The following LAMB4 variants were observed in gnomAD, a reference collection of about 807,000 sequenced individuals.
LAMB4 encodes laminin subunit beta 4.
LAMB4 carries 196 observed loss-of-function variants against 199.2 expected under a neutral mutation model. The ratio of observed to expected loss-of-function variants is 0.98; its 90% CI spans 0.88 to 1.11. LAMB4 has a LOEUF of 1.11. Among genes scored for constraint, LAMB4 ranks in the 50% least tolerant of loss-of-function variants. The pLI is 0.00. For synonymous variants in LAMB4, 744 were observed against 770.6 expected (o/e 0.97, Z 0.57); for missense variants, 2,080 against 2,171.2 (o/e 0.96, Z 0.83).
intron 2 of LAMB4, among the ~76,000 whole-genome samples, chr7:108,121,241 C>A (rs2038587733): frequency 6.6e-6 from 1 of 152,116 alleles, no homozygotes; most frequent in Non-Finnish European, 1.5e-5. Flanking sequence ...TTTAGGAGAT[C>A]TGGTCATTTA....
chr7:108,103,259 G>A, intron 9 of LAMB4, 27 bp from the exon 10 acceptor site: 1 of 1,517,786 alleles, frequency 6.6e-7, no homozygotes, highest in Non-Finnish European at 8.9e-7. Context: ...GTGACTGAGA[G>A]GTAGACTAAG....
At chr7:108,092,217 G>A (rs2037434346) in intron 13 of LAMB4, 120 bp downstream of exon 13, 2 of 720,260 alleles carry the variant, frequency 2.8e-6, no homozygotes, top group African/African-American at 1.8e-5. Flanking sequence ...TGTAGTTAAT[G>A]TCTCAAGATC....
intron 1 of LAMB4, among the ~76,000 whole-genome samples, chr7:108,126,284 T>C (rs1479185144): frequency 2.6e-5 from 4 of 152,304 alleles, no homozygotes; most frequent in African/African-American, 9.6e-5. Flanking sequence ...TTCAGTAGTG[T>C]TAATTACATT....
chr7:108,066,006 G>T lies in LAMB4; in HGVS notation c.2679-87C>A, dbSNP rs531185082. On this transcript the variant is annotated intron_variant, in intron 20 of 33. Transcript: ENST00000388781. ...ACGGTTTGCTATGCTTTAAAACAGT[G>T]CACCTCTGAAAACTGAATATTTTAG... 3.8e-5 allele frequency: 49 copies of T among 1,286,820 alleles called. No individual in the cohort carries two copies. The South Asian group carries it at 6.1e-4, about 16-fold the overall frequency. 79.7% of individuals were successfully genotyped at this position (1,286,820 alleles called of 1,614,324 possible).
At chr7:108,094,392 C>T (rs568537813) in intron 12 of LAMB4, among the ~76,000 whole-genome samples, 3 of 152,104 alleles carry the variant, frequency 2.0e-5, no homozygotes, top group Non-Finnish European at 2.9e-5. Context: ...CTTCCAGAAT[C>T]CCTTCTTCAT....
chr7:108,044,017 T>C, intron 28 of LAMB4, 121 bp from the exon 29 acceptor site: 1 of 742,468 alleles, frequency 1.3e-6, no homozygotes, highest in South Asian at 2.0e-5. Context: ...AATAAAAGTC[T>C]AGATAAACCA....
the LAMB4 span, among the ~76,000 whole-genome samples, chr7:108,014,379 G>A: frequency 6.6e-6 from 1 of 152,180 alleles, no homozygotes; most frequent in Non-Finnish European, 1.5e-5. Context: ...TGTTACAGTA[G>A]CCACGATTAA....
chr7:108,048,175 T>C, intron 27 of LAMB4, 64 bp from the exon 28 acceptor site: 1 of 1,412,726 alleles, frequency 7.1e-7, no homozygotes. Context: ...TTTTTTTTTT[T>C]TTTTTTTGAG....
At chr7:108,062,681 A>G in intron 23 of LAMB4, 93 bp downstream of exon 23, 1 of 674,480 alleles carries the variant, frequency 1.5e-6, no homozygotes, top group Non-Finnish European at 2.2e-6. Flanking sequence ...AATTAACAAC[A>G]GTACATAAAA....
Position 108,079,733 on chromosome 7 carries a change from T to C in LAMB4, c.1755A>G (p.Pro585=), listed in dbSNP as rs760892373. 2.5e-6 allele frequency: 4 copies of C among 1,610,254 alleles called. No individual in the cohort carries two copies. The African/African-American group carries it at 5.4e-5, about 22-fold the overall frequency. Residue 585 remains proline, a synonymous_variant, in exon 15 of 34, where the codon CCA becomes CCG. Coordinates refer to ENST00000388781, the MANE Select transcript of LAMB4 (RefSeq NM_007356.3). The stretch of plus-strand genomic sequence containing the variant: ...TCCATGTAACAGGGTTCCCAGGAAC[T>C]GGCTCTCCTAAAACAACGTGAACAG... The part of the protein sequence containing the change: ...SPAVHVVLGE[P]VPGNPVTWTG...
At chr7:108,026,973 C>G (rs995134441) in intron 33 of LAMB4, 2 of 485,292 alleles carry the variant, frequency 4.1e-6, no homozygotes, top group African/African-American at 4.0e-5. Context: ...CCCTGAGAAG[C>G]CCTCTAACTT....
At chr7:108,031,210 G>C (rs1563029489) in intron 31 of LAMB4, among the ~76,000 whole-genome samples, 1 of 151,410 alleles carries the variant, frequency 6.6e-6, no homozygotes, top group South Asian at 2.1e-4. Flanking sequence ...TGTAGTCCCA[G>C]TACTCGGGAG....
At chr7:108,034,030 C>T (rs1394126381) in intron 31 of LAMB4, among the ~76,000 whole-genome samples, 178 bp downstream of exon 31, 1 of 151,988 alleles carries the variant, frequency 6.6e-6, no homozygotes, top group Non-Finnish European at 1.5e-5. Context: ...ATTAATATGA[C>T]GGTGAGACGT....
In LAMB4 at chr7:108,112,382, C is replaced by T. The variant is rs547821438; in HGVS notation, c.193-436G>A. Among the ~76,000 whole-genome samples the T allele has an allele frequency of 2.6e-5, 4 of 151,088 alleles. No individual in the cohort carries two copies. The South Asian group carries it at 6.3e-4, about 24-fold the overall frequency. On this transcript the variant is annotated intron_variant, in intron 3 of 33. Transcript: ENST00000388781. ...AGGCTGGAGTGCAGTGTTGCAATCT[C>T]CTGGGTTCAAGAGACTCTCATGCCT... is the stretch of plus-strand genomic sequence containing the variant.
chr7:108,097,580 C>G (rs1450429073), intron 11 of LAMB4, among the ~76,000 whole-genome samples: 1 of 152,112 alleles, frequency 6.6e-6, no homozygotes, highest in Admixed American at 6.5e-5. Context: ...GGTCAGGAGA[C>G]AGAGACCATC....
chr7:108,033,978 G>C (rs907868756), intron 31 of LAMB4, among the ~76,000 whole-genome samples: 5 of 151,888 alleles, frequency 3.3e-5, no homozygotes, highest in African/African-American at 1.2e-4. Context: ...TTTCCAAGCT[G>C]GTGTTAGTAC....
At chr7:108,069,405 T>A (rs538237436) in intron 18 of LAMB4, among the ~76,000 whole-genome samples, 1 of 152,338 alleles carries the variant, frequency 6.6e-6, no homozygotes, top group African/African-American at 2.4e-5. Context: ...ATTTATTAAA[T>A]GAATATTTTG....
At chr7:108,088,416 G>A (rs760424150) in intron 14 of LAMB4, among the ~76,000 whole-genome samples, 27 of 152,034 alleles carry the variant, frequency 1.8e-4, no homozygotes, top group Non-Finnish European at 3.4e-4. Flanking sequence ...TGCTCGCCTC[G>A]GCCTCTCAAA....
intron 16 of LAMB4, among the ~76,000 whole-genome samples, chr7:108,077,406 T>A (rs1431715942): frequency 2.0e-5 from 3 of 151,670 alleles, no homozygotes; most frequent in Non-Finnish European, 2.9e-5. Flanking sequence ...AAAAAAAAAA[T>A]TTTTGCGGCA....
Sources: allele counts gnomAD v4.1 joint callset (sites outside exome capture counted in the v4.1 genomes callset), GRCh38; gene constraint gnomAD v4.1.1; transcripts MANE v1.5; gene names NCBI Gene and HGNC (gene_info 2026-07-23, HGNC 2026-07-21).